DPP6: variants seen among roughly 807,000 people sequenced by gnomAD.
DPP6 encodes A-type potassium channel modulatory protein DPP6.
In DPP6, 69 loss-of-function variants were observed where a neutral mutation model predicts 122.6. The ratio of observed to expected loss-of-function variants is 0.56; its 90% CI spans 0.46 to 0.69. DPP6 has a LOEUF of 0.69. Among genes scored for constraint, DPP6 ranks in the 30% least tolerant of loss-of-function variants. The pLI is 0.00. For missense variants in DPP6, 928 were observed against 1,116.9 expected (o/e 0.83, Z 2.41); for synonymous variants, 418 against 433.1 (o/e 0.97, Z 0.43).
intron 1 of DPP6, among the ~76,000 whole-genome samples, chr7:153,974,785 C>A (rs10236251): frequency 3.9e-5 from 6 of 152,004 alleles, no homozygotes; most frequent in African/African-American, 1.5e-4. Flanking sequence ...GACTCTGGTG[C>A]AAGGCAGTCA....
At chr7:153,869,488 T>A in the DPP6 span, among the ~76,000 whole-genome samples, 1 of 152,336 alleles carries the variant, frequency 6.6e-6, no homozygotes, top group Non-Finnish European at 1.5e-5. Flanking sequence ...TGCCTTTTTT[T>A]GTTTTCCATT....
intron 1 of DPP6, among the ~76,000 whole-genome samples, chr7:154,205,972 C>A (rs1271383229): frequency 6.6e-6 from 1 of 152,082 alleles, no homozygotes; most frequent in Non-Finnish European, 1.5e-5. Flanking sequence ...GGCCTCTGAC[C>A]CTTGCCTGAG....
intron 5 of DPP6, among the ~76,000 whole-genome samples, chr7:154,635,553 C>T (rs1010130529): frequency 6.6e-6 from 1 of 152,192 alleles, no homozygotes; most frequent in African/African-American, 2.4e-5. Flanking sequence ...AGCTATATTA[C>T]TTACCTATTG....
intron 1 of DPP6, among the ~76,000 whole-genome samples, chr7:154,390,273 G>C (rs1286897956): frequency 2.0e-5 from 3 of 152,224 alleles, no homozygotes; most frequent in East Asian, 1.9e-4. Flanking sequence ...CTGGGGATCA[G>C]GGAGGGCTCT....
chr7:154,811,172 C>A (rs574935886), intron 16 of DPP6, among the ~76,000 whole-genome samples: 5 of 152,190 alleles, frequency 3.3e-5, no homozygotes, highest in Non-Finnish European at 7.3e-5. Context: ...ATTAAACTCT[C>A]CCCATGGAGG....
chr7:153,962,055 A>G (rs528617870), intron 1 of DPP6, among the ~76,000 whole-genome samples: 184 of 147,926 alleles, frequency 1.2e-3, no homozygotes, highest in Non-Finnish European at 2.1e-3. Context: ...AGCTGGGGGG[A>G]AAGAAATGGC....
At chr7:154,836,019 C>T (rs1801020724) in intron 16 of DPP6, among the ~76,000 whole-genome samples, 1 of 152,208 alleles carries the variant, frequency 6.6e-6, no homozygotes, top group South Asian at 2.1e-4. Context: ...TAATGAGCAC[C>T]TCAGGCACAC....
At chr7:154,500,614 C>T (rs1346626661) in intron 3 of DPP6, among the ~76,000 whole-genome samples, 7 of 152,162 alleles carry the variant, frequency 4.6e-5, no homozygotes, top group Admixed American at 1.3e-4. Context: ...TTCTCTTGAC[C>T]GCTGCCATAT....
In DPP6 at chr7:154,726,052, T is replaced by C. The variant is rs111324787; in HGVS notation, c.763-1715T>C. Among the ~76,000 whole-genome samples the C allele has an allele frequency of 3.5e-3, 528 of 152,344 alleles. 1 individual carries two copies. The highest frequency in any genetic ancestry group is 0.012 in the African/African-American group (508 of 41,582). On this transcript the variant is annotated intron_variant, in intron 7 of 25. Transcript: ENST00000377770. Reference sequence around the variant, plus strand: ...GATACAGCAGTGGTCTCCATGATCTTGGGCCACTCTGCCCTGTAGCTCTGC... The same window carrying C: ...GATACAGCAGTGGTCTCCATGATCTCGGGCCACTCTGCCCTGTAGCTCTGC...
At position 154,655,809 on chromosome 7, in the gene DPP6, G is replaced by T. The variant is rs1013095258; in HGVS notation, c.681-13551G>T. On this transcript the variant is annotated intron_variant, in intron 6 of 25. Coordinates refer to ENST00000377770, the MANE Select transcript of DPP6 (RefSeq NM_130797.4). ...CAGGGCAGGGGTCATCTCCCCCAGG[G>T]TTTGCCTCTGCCTTGCTCTCTGAGG... Among the ~76,000 whole-genome samples, 4 of 152,184 alleles carry T rather than the reference G, an allele frequency of 2.6e-5. No individual in the cohort carries two copies. The East Asian group carries it at 7.7e-4, about 29-fold the overall frequency.
In DPP6 at chr7:154,594,983, TG is replaced by T. The variant is rs762780706; in HGVS notation, c.627+28070del. Among the ~76,000 whole-genome samples the T allele has an allele frequency of 2.9e-3, 438 of 150,902 alleles. 4 individuals carry two copies. Among genetic ancestry groups the T allele is most frequent in the Non-Finnish European group, 5.0e-3 (340 of 67,820 alleles). On this transcript the variant is annotated intron_variant, in intron 5 of 25. Coordinates refer to ENST00000377770, the MANE Select transcript of DPP6 (RefSeq NM_130797.4). ...GGCATTTGTATTCTGATGGCCTTTG[TG>T]GGTTTTTTAAACCCCAATTGTATCA...
chr7:154,869,811 T>C (rs1804229022), intron 18 of DPP6, among the ~76,000 whole-genome samples: 1 of 152,122 alleles, frequency 6.6e-6, no homozygotes, highest in African/African-American at 2.4e-5. Context: ...TTCTGGAATT[T>C]TGATGCACTT....
At chr7:154,720,427 A>G (rs1216754778) in intron 7 of DPP6, among the ~76,000 whole-genome samples, 4 of 152,244 alleles carry the variant, frequency 2.6e-5, no homozygotes, top group African/African-American at 7.2e-5. Flanking sequence ...CCTTATGTAC[A>G]TCTCAGTATG....
intron 1 of DPP6, among the ~76,000 whole-genome samples, chr7:154,318,434 A>G (rs1464470331): frequency 6.6e-6 from 1 of 152,170 alleles, no homozygotes; most frequent in African/African-American, 2.4e-5. Flanking sequence ...ATTACACCCT[A>G]TCAACCACAC....
At chr7:154,533,819 G>A (rs1193064295) in intron 3 of DPP6, among the ~76,000 whole-genome samples, 1 of 151,960 alleles carries the variant, frequency 6.6e-6, no homozygotes, top group Admixed American at 6.6e-5. Context: ...ATAACAAACT[G>A]AGACTTAATC....
chr7:154,596,075 A>G (rs1447596145), intron 5 of DPP6, among the ~76,000 whole-genome samples: 3 of 152,180 alleles, frequency 2.0e-5, no homozygotes, highest in African/African-American at 2.4e-5. Flanking sequence ...AAGAAAGGTT[A>G]TGCCTCACAG....
chr7:153,782,178 C>T, the DPP6 span, among the ~76,000 whole-genome samples: 191 of 151,292 alleles, frequency 1.3e-3, no homozygotes, highest in African/African-American at 3.9e-3. Context: ...TCCTCTCAGT[C>T]GATAATATCC....
In DPP6 at chr7:153,890,815, C is replaced by T. The variant is rs528870404; in HGVS notation, c.51+3081C>T. Among the ~76,000 whole-genome samples the T allele has an allele frequency of 1.3e-3, 190 of 146,560 alleles. 1 individual carries two copies. Among genetic ancestry groups the T allele is most frequent in the African/African-American group, 4.5e-3 (179 of 39,348 alleles). ...AAGCCATTCTCCTGCCTCAGCCTCT[C>T]GAGTAGCTGGGGACTACAGGCGTGC... On this transcript the variant is annotated intron_variant, in intron 1 of 25. Transcript: ENST00000404039.
intron 1 of DPP6, among the ~76,000 whole-genome samples, chr7:154,085,153 G>T (rs1213737355): frequency 1.3e-5 from 2 of 152,002 alleles, no homozygotes; most frequent in African/African-American, 4.8e-5. Flanking sequence ...CCAGCAATCC[G>T]TGGACAGGCA....
Sources: allele counts gnomAD v4.1 joint callset (sites outside exome capture counted in the v4.1 genomes callset), GRCh38; gene constraint gnomAD v4.1.1; transcripts MANE v1.5; gene names NCBI Gene and HGNC (gene_info 2026-07-23, HGNC 2026-07-21).